KAZN: variants seen among roughly 807,000 people sequenced by gnomAD.
The protein encoded by KAZN is kazrin, periplakin interacting protein.
A neutral mutation model predicts 87.4 loss-of-function variants in KAZN; 40 were observed. That is an observed-to-expected ratio of 0.46 (90% CI 0.36 to 0.60). The LOEUF (loss-of-function observed/expected upper bound fraction) is 0.60, where lower values mean the gene tolerates loss of function less well. KAZN is among the 20% of genes least tolerant of loss of function. The pLI is 0.00. For synonymous variants in KAZN, 466 were observed against 458.3 expected (o/e 1.02, Z -0.22); for missense variants, 898 against 1,073.9 (o/e 0.84, Z 2.29).
Position 14,585,528 on chromosome 1 carries a change from C to A in KAZN, c.250-13455C>A, listed in dbSNP as rs183284062. On this transcript the variant is annotated intron_variant, in intron 2 of 16. Coordinates refer to the KAZN transcript ENST00000636203. ...ACGCAGGATCACAGAGCAGAGGAGG[C>A]CAAGCCAAAGAGTGTGAACACATTC... is the stretch of plus-strand genomic sequence containing the variant. Among the ~76,000 whole-genome samples the A allele has an allele frequency of 1.6e-3, 242 of 152,250 alleles. 5 individuals carry two copies. The highest frequency in any genetic ancestry group is 0.014 in the Admixed American group (217 of 15,300).
At chr1:14,025,289 A>G (rs544550686) in intron 1 of KAZN, among the ~76,000 whole-genome samples, 37 of 152,330 alleles carry the variant, frequency 2.4e-4, no homozygotes, top group African/African-American at 7.0e-4. Flanking sequence ...GCTACAATCT[A>G]TGAGGCAGCT....
intron 2 of KAZN, among the ~76,000 whole-genome samples, chr1:14,418,865 G>A (rs547213926): frequency 6.6e-6 from 1 of 152,318 alleles, no homozygotes; most frequent in East Asian, 1.9e-4. Context: ...GTACACTTGT[G>A]TGTGTGCAAA....
At chr1:14,421,460 T>C (rs559368886) in intron 2 of KAZN, among the ~76,000 whole-genome samples, 1 of 152,294 alleles carries the variant, frequency 6.6e-6, no homozygotes, top group Admixed American at 6.5e-5. Flanking sequence ...TGATCCCTGA[T>C]TAGGGCTTGG....
chr1:14,733,906 C>A (rs1643799377), intron 1 of KAZN, among the ~76,000 whole-genome samples: 1 of 152,188 alleles, frequency 6.6e-6, no homozygotes, highest in African/African-American at 2.4e-5. Flanking sequence ...GCAGCCCACG[C>A]CCCAGCCAGT....
chr1:14,637,756 T>A (rs899949119), intron 1 of KAZN, among the ~76,000 whole-genome samples: 13 of 151,980 alleles, frequency 8.6e-5, no homozygotes, highest in African/African-American at 2.4e-4. Flanking sequence ...AGAAAAAAAA[T>A]ATGTATAGAT....
rs1439539772 is a variant in KAZN at position 14,088,013 on chromosome 1, A to G, written c.92-92422A>G. Among the ~76,000 whole-genome samples, 4 of 141,156 alleles carry G rather than the reference A, an allele frequency of 2.8e-5. No individual in the cohort carries two copies. The East Asian group carries it at 8.1e-4, about 29-fold the overall frequency. The allele number at this position is 141,156 out of a possible 152,430, so 92.6% of individuals were successfully genotyped here. A position where few individuals can be genotyped will look rare whatever the true frequency, so the allele number is the denominator to read the frequency against. ...CTTGCTGTTTTTTTTTTTTTTCTTG[A>G]TGTATGATGGTATTATTTCATCTTT... On this transcript the variant is annotated intron_variant, in intron 1 of 16. Transcript: ENST00000636203.
intron 2 of KAZN, among the ~76,000 whole-genome samples, chr1:14,405,394 T>C (rs185084676): frequency 1.6e-4 from 25 of 152,332 alleles, no homozygotes; most frequent in African/African-American, 4.8e-4. Context: ...ACATTGATTA[T>C]AAAGTTTTGA....
At chr1:14,136,573 TA>T (rs1645113457) in intron 1 of KAZN, among the ~76,000 whole-genome samples, 1 of 151,882 alleles carries the variant, frequency 6.6e-6, no homozygotes, top group African/African-American at 2.4e-5. Context: ...AGGCATTCCG[TA>T]AATTCCAAAG....
intron 1 of KAZN, among the ~76,000 whole-genome samples, chr1:14,086,529 T>A (rs979850656): frequency 1.1e-4 from 16 of 152,268 alleles, no homozygotes; most frequent in African/African-American, 3.6e-4. Context: ...GTTTTAATTT[T>A]GATGTTAAAT....
At chr1:14,839,346 T>A (rs1647661077) in intron 1 of KAZN, among the ~76,000 whole-genome samples, 1 of 152,170 alleles carries the variant, frequency 6.6e-6, no homozygotes, top group South Asian at 2.1e-4. Context: ...GGAAGTTCAC[T>A]GAGTCACTGT....
At chr1:14,411,900 T>G (rs1384838048) in intron 2 of KAZN, among the ~76,000 whole-genome samples, 1 of 152,230 alleles carries the variant, frequency 6.6e-6, no homozygotes, top group Admixed American at 6.5e-5. Flanking sequence ...TGATTAATTT[T>G]AAATTGTATA....
At chr1:14,607,504 TTATAATTAG>T (rs1677465224) in intron 1 of KAZN, among the ~76,000 whole-genome samples, 1 of 152,194 alleles carries the variant, frequency 6.6e-6, no homozygotes, top group Non-Finnish European at 1.5e-5. Context: ...ATTGTGGCAA[TTATAATTAG>T]GATTTGCATG....
Position 13,963,759 on chromosome 1 carries a change from C to G in KAZN, c.91+70003C>G, listed in dbSNP as rs72873320. On this transcript the variant is annotated intron_variant, in intron 1 of 16. Transcript: ENST00000636203. ...AAGGGTTAAATGTTTCTGCTGTGGTCTGTGTGTGTGTGTGTGTGTGTGTGT... is the reference window on the plus strand; with the variant it reads ...AAGGGTTAAATGTTTCTGCTGTGGTGTGTGTGTGTGTGTGTGTGTGTGTGT... 9.9e-3 allele frequency among the ~76,000 whole-genome samples: 1,409 copies of G among 142,012 alleles called. 56 individuals are homozygous for G. Among genetic ancestry groups the G allele is most frequent in the African/African-American group, 0.034 (1,311 of 38,528 alleles). 93.2% of individuals were successfully genotyped at this position (142,012 alleles called of 152,430 possible). A position where few individuals can be genotyped will look rare whatever the true frequency, so the allele number is the denominator to read the frequency against.
At chr1:14,638,143 G>C (rs2148670268) in intron 1 of KAZN, among the ~76,000 whole-genome samples, 1 of 152,268 alleles carries the variant, frequency 6.6e-6, no homozygotes, top group Admixed American at 6.5e-5. Context: ...CCTCATCCAG[G>C]ATGGCCTCGT....
chr1:14,167,350 A>G (rs7541978), intron 1 of KAZN, among the ~76,000 whole-genome samples: 98,054 of 152,122 alleles, frequency 0.64, 33,253 homozygotes, highest in African/African-American at 0.86. Flanking sequence ...GGTCACTGGA[A>G]GAGAGCACAA....
At chr1:14,277,764 G>C (rs1287245378) in intron 2 of KAZN, among the ~76,000 whole-genome samples, 1 of 151,550 alleles carries the variant, frequency 6.6e-6, no homozygotes, top group Non-Finnish European at 1.5e-5. Context: ...TTTCTTTCAT[G>C]TCCCCTCACA....
At chr1:14,273,402 A>C (rs904940082) in intron 2 of KAZN, among the ~76,000 whole-genome samples, 10 of 152,200 alleles carry the variant, frequency 6.6e-5, no homozygotes, top group African/African-American at 1.2e-4. Context: ...TTATGAAATA[A>C]GTCTTAATGA....
intron 2 of KAZN, among the ~76,000 whole-genome samples, chr1:14,282,033 CTCTTACATA>C (rs1399556465): frequency 1.3e-5 from 2 of 152,170 alleles, no homozygotes; most frequent in African/African-American, 4.8e-5. Flanking sequence ...CTGTTTTTAT[CTCTTACATA>C]TAGTATAGTG....
chr1:15,105,331 A>G (rs1399948856), intron 13 of KAZN, among the ~76,000 whole-genome samples: 1 of 151,256 alleles, frequency 6.6e-6, no homozygotes, highest in Admixed American at 6.6e-5. Flanking sequence ...TTCTAATTCA[A>G]TCTCTTCACT....
Sources: gnomAD v4.1 joint callset for allele counts (sites outside exome capture counted in the v4.1 genomes callset) on GRCh38, gnomAD v4.1.1 for gene constraint, MANE v1.5 for transcripts, NCBI Gene and HGNC (gene_info 2026-07-23, HGNC 2026-07-21) for gene names.